The following SLCO3A1 variants were observed in gnomAD, a reference collection of about 807,000 sequenced individuals.
SLCO3A1 encodes PGE1 transporter.
SLCO3A1 carries 27 observed loss-of-function variants against 63.1 expected under a neutral mutation model. The observed-to-expected ratio is 0.43, with a 90% confidence interval of 0.32 to 0.59. The LOEUF (loss-of-function observed/expected upper bound fraction) is 0.59. Ranked by LOEUF, SLCO3A1 falls within the 20% of genes least tolerant of loss-of-function variation. The pLI, the probability that SLCO3A1 is intolerant of heterozygous loss-of-function variation, is 0.09. For missense variants in SLCO3A1, 773 were observed against 945.8 expected, an observed-to-expected ratio of 0.82 and a Z score of 2.40; for synonymous variants, 473 against 409.9, an observed-to-expected ratio of 1.15 and a Z score of -1.86.
Position 92,163,098 on chromosome 15 carries a change from A to G in SLCO3A1, c.2096A>G (p.Asp699Gly), listed in dbSNP as rs142850832. The G allele has an allele frequency of 6.5e-7, 1 of 1,534,860 alleles. No individual in the cohort carries two copies. Among genetic ancestry groups the G allele is most frequent in the Non-Finnish European group, 8.7e-7 (1 of 1,143,044 alleles). The part of the protein sequence containing the change: ...HRTKFIYNLE[D>G]HEWCENMESV... ...ACAAAGTTTATCTATAACCTGGAAG[A>G]CCATGAGTGGTGTGAAAACATGGAG... Residue 699 changes from aspartate to glycine, a missense_variant, in exon 10 of 10, where the codon GAC (aspartate) becomes GGC (glycine). By Grantham distance (94) the Asp-to-Gly change is moderately conservative. This residue lies in a region of SLCO3A1 where 139 missense variants were observed against 131.4 expected (regional missense o/e 1.06). Transcript: ENST00000318445.
chr15:91,906,840 G>A (rs1399411972), intron 1 of SLCO3A1, among the ~76,000 whole-genome samples: 1 of 152,178 alleles, frequency 6.6e-6, no homozygotes, highest in Non-Finnish European at 1.5e-5. Context: ...AGGAGGGATG[G>A]AGAGTCTTTA....
At chr15:92,136,518 G>A (rs914164806) in intron 7 of SLCO3A1, among the ~76,000 whole-genome samples, 2 of 152,140 alleles carry the variant, frequency 1.3e-5, no homozygotes, top group Admixed American at 6.5e-5. Flanking sequence ...TAGCCTTCTT[G>A]TAATTATTTA....
rs766131652 is a variant in SLCO3A1, at chr15:92,171,779, G to A, written c.1997-1G>A. On this transcript the variant is annotated splice_acceptor_variant, in intron 10 of 10. Coordinates refer to the SLCO3A1 transcript ENST00000424469. LOFTEE classifies it high-confidence loss of function. ...GCTCTTCTTCCCTCCTCCCCCTTTA[G>A]GCACAGAGTACCAAGACATTGAGAC... 3 of 1,549,650 alleles carry A rather than the reference G, an allele frequency of 1.9e-6. No individual in the cohort carries two copies. The highest frequency in any genetic ancestry group is 1.7e-6 in the Non-Finnish European group (2 of 1,145,306).
At chr15:92,153,805 GA>G (rs2048337700) in intron 9 of SLCO3A1, among the ~76,000 whole-genome samples, 2 of 152,158 alleles carry the variant, frequency 1.3e-5, no homozygotes, top group African/African-American at 4.8e-5. Context: ...AAAGCCCGGG[GA>G]TGAACAAAGG....
intron 2 of SLCO3A1, among the ~76,000 whole-genome samples, chr15:92,080,396 T>G (rs2047329094): frequency 6.6e-6 from 1 of 152,084 alleles, no homozygotes; most frequent in Non-Finnish European, 1.5e-5. Context: ...TGGAGTTTTT[T>G]TTTTTTTTTC....
chr15:92,036,240 C>A (rs1228843389), intron 2 of SLCO3A1, among the ~76,000 whole-genome samples: 1 of 152,184 alleles, frequency 6.6e-6, no homozygotes, highest in African/African-American at 2.4e-5. Context: ...TAAAGCCAAT[C>A]TGAGAATTTG....
chr15:91,941,845 G>A lies in SLCO3A1; in HGVS notation c.646+25387G>A, dbSNP rs1024640067. On this transcript the variant is annotated intron_variant, in intron 2 of 9. Transcript: ENST00000318445. The surrounding 1 kb of genome is among the most constrained non-coding windows in gnomAD (Gnocchi z 4.4). The stretch of plus-strand genomic sequence containing the variant: ...TGCATACTGTAGGAGCTGCATAAAT[G>A]CCACTGGCTTATGGGCATCTGCAGT... Among the ~76,000 whole-genome samples, 18 of 152,256 alleles carry A rather than the reference G, an allele frequency of 1.2e-4. No homozygotes were observed. The highest frequency in any genetic ancestry group is 4.1e-4 in the African/African-American group (17 of 41,552).
intron 1 of SLCO3A1, among the ~76,000 whole-genome samples, chr15:91,857,308 G>T (rs116538092): frequency 6.6e-6 from 1 of 152,086 alleles, no homozygotes; most frequent in African/African-American, 2.4e-5. Flanking sequence ...TAACCCAGGT[G>T]CAACCTGGGC....
At position 91,886,936 on chromosome 15, in the gene SLCO3A1, G is replaced by C. The variant is rs1345213054; in HGVS notation, c.181-29057G>C. 6.6e-6 allele frequency among the ~76,000 whole-genome samples: 1 copy of C among 152,206 alleles called. No individual in the cohort carries two copies. Among genetic ancestry groups the C allele is most frequent in the Non-Finnish European group, 1.5e-5 (1 of 68,034 alleles). On this transcript the variant is annotated intron_variant, in intron 1 of 9. Transcript: ENST00000318445. This position sits in a 1 kb window ranked among gnomAD's most constrained non-coding sequence, Gnocchi z 4.9. ...GTTAAAAATTCTGCTTACAGCTGAA[G>C]TTGCAGTTGCGTGGGAGAGGGAGCA...
chr15:92,005,452 T>C (rs1426625555), intron 2 of SLCO3A1, among the ~76,000 whole-genome samples: 3 of 152,234 alleles, frequency 2.0e-5, no homozygotes, highest in Non-Finnish European at 4.4e-5. Flanking sequence ...CTGGTTGCAG[T>C]TGGACTCATG....
Position 91,886,083 on chromosome 15 carries a change from G to C in SLCO3A1, c.181-29910G>C, listed in dbSNP as rs1267082737. ...CAGAGTTGGTCCCTTTTAAATATTG[G>C]GGCTGGCAAATCTGACTAGTCCATT... On this transcript the variant is annotated intron_variant, in intron 1 of 9. Coordinates refer to ENST00000318445, the MANE Select transcript of SLCO3A1 (RefSeq NM_013272.4). The surrounding 1 kb of genome is among the most constrained non-coding windows in gnomAD (Gnocchi z 4.9). Among the ~76,000 whole-genome samples, 1 of 151,964 alleles carries C rather than the reference G, an allele frequency of 6.6e-6. No individual in the cohort carries two copies. The highest frequency in any genetic ancestry group is 2.4e-5 in the African/African-American group (1 of 41,342).
intron 2 of SLCO3A1, among the ~76,000 whole-genome samples, chr15:91,978,384 C>G (rs1901200208): frequency 6.6e-6 from 1 of 152,118 alleles, no homozygotes; most frequent in African/African-American, 2.4e-5. Flanking sequence ...GGCATCCACG[C>G]AAGGAAAAAG....
chr15:91,990,863 C>T (rs1376330542), intron 2 of SLCO3A1, among the ~76,000 whole-genome samples: 3 of 151,958 alleles, frequency 2.0e-5, no homozygotes, highest in African/African-American at 7.3e-5. Flanking sequence ...GTGTTGCTGG[C>T]TGGGAATAGG....
rs541619768 is a variant in SLCO3A1 at position 92,118,085 on chromosome 15, A to G, written c.1010-2380A>G. Among the ~76,000 whole-genome samples, 8 of 152,368 alleles carry G rather than the reference A, an allele frequency of 5.3e-5. No homozygotes were observed. In the South Asian group the frequency reaches 1.7e-3, roughly 32 times the overall value. On this transcript the variant is annotated intron_variant, in intron 4 of 9. Transcript: ENST00000318445. ...GTAAAAATAGACAAAACACACACATAAAGACCAGTACACTTAAAATCGAGG... is the reference window on the plus strand; with the variant it reads ...GTAAAAATAGACAAAACACACACATGAAGACCAGTACACTTAAAATCGAGG...
At chr15:92,007,968 G>C (rs1363915926) in intron 2 of SLCO3A1, among the ~76,000 whole-genome samples, 1 of 152,098 alleles carries the variant, frequency 6.6e-6, no homozygotes, top group African/African-American at 2.4e-5. Context: ...CAGCCTTGAG[G>C]ACTTGGTGAT....
At chr15:92,121,038 C>G (rs897194896) in intron 5 of SLCO3A1, among the ~76,000 whole-genome samples, 1 of 152,014 alleles carries the variant, frequency 6.6e-6, no homozygotes. Flanking sequence ...GCCATACACT[C>G]CCTACTCCTC....
intron 2 of SLCO3A1, among the ~76,000 whole-genome samples, chr15:92,027,061 G>A (rs1257175245): frequency 6.7e-6 from 1 of 149,986 alleles, no homozygotes; most frequent in Admixed American, 6.7e-5. Flanking sequence ...TTGCACTTCA[G>A]CCTGGGTGAC....
At chr15:91,867,274 G>A (rs956096488) in intron 1 of SLCO3A1, among the ~76,000 whole-genome samples, 1 of 152,218 alleles carries the variant, frequency 6.6e-6, no homozygotes, top group African/African-American at 2.4e-5. Context: ...GACTCAGCTA[G>A]AAGCAAGCAC....
intron 2 of SLCO3A1, among the ~76,000 whole-genome samples, chr15:92,065,661 G>A (rs941693031): frequency 2.6e-5 from 4 of 152,076 alleles, no homozygotes; most frequent in African/African-American, 9.7e-5. Flanking sequence ...GGGGATCCAT[G>A]TGCTCAAACC....
Sources: gnomAD v4.1 joint callset for allele counts (sites outside exome capture counted in the v4.1 genomes callset) on GRCh38, gnomAD v4.1.1 for gene constraint, gnomAD v4.1.1 regional missense constraint, Gnocchi (gnomAD v3.1) non-coding constraint, MANE v1.5 for transcripts, NCBI Gene and HGNC (gene_info 2026-07-23, HGNC 2026-07-21) for gene names.